FAM13A: variants seen among roughly 807,000 people sequenced by gnomAD.
FAM13A encodes protein FAM13A.
In FAM13A, 76 loss-of-function variants were observed where a neutral mutation model predicts 129.6. That is an observed-to-expected ratio of 0.59 (90% CI 0.49 to 0.71). The LOEUF is 0.71. Ranked by LOEUF, FAM13A falls within the 30% of genes least tolerant of loss-of-function variation. The pLI is 0.00. For missense variants in FAM13A, 1,108 were observed against 1,249.3 expected, an observed-to-expected ratio of 0.89 and a Z score of 1.70; for synonymous variants, 443 against 449.9, an observed-to-expected ratio of 0.98 and a Z score of 0.20.
intron 11 of FAM13A, among the ~76,000 whole-genome samples, chr4:88,776,010 T>C (rs1721634304): frequency 6.6e-6 from 1 of 152,224 alleles, no homozygotes; most frequent in Admixed American, 6.5e-5. Context: ...TCTCCTTTCT[T>C]GAACCTTGAC....
chr4:88,732,257 T>C, intron 21 of FAM13A, 59 bp from the exon 22 acceptor site: 3 of 1,220,416 alleles, frequency 2.5e-6, no homozygotes, highest in Non-Finnish European at 3.5e-6. Context: ...AGACTTTCAT[T>C]ACAAGTATCA....
chr4:88,931,122 C>A (rs1191120967), intron 5 of FAM13A, among the ~76,000 whole-genome samples: 1 of 152,068 alleles, frequency 6.6e-6, no homozygotes, highest in Non-Finnish European at 1.5e-5. Flanking sequence ...AACAGCAGCT[C>A]ACAGCAGGGT....
chr4:88,799,521 T>G (rs1162439484), intron 8 of FAM13A, among the ~76,000 whole-genome samples: 1 of 151,984 alleles, frequency 6.6e-6, no homozygotes, highest in Non-Finnish European at 1.5e-5. Context: ...AGTCTTGCTC[T>G]GTTGCCAGGC....
chr4:88,858,964 A>G (rs1200495097), intron 6 of FAM13A, among the ~76,000 whole-genome samples: 1 of 152,216 alleles, frequency 6.6e-6, no homozygotes, highest in African/African-American at 2.4e-5. Flanking sequence ...GAATAATGAA[A>G]TCTGAGAACT....
chr4:88,895,169 T>G (rs1296528166), intron 6 of FAM13A, among the ~76,000 whole-genome samples: 1 of 152,164 alleles, frequency 6.6e-6, no homozygotes, highest in Non-Finnish European at 1.5e-5. Context: ...CACTATTATT[T>G]CTATTACTAC....
At chr4:88,754,070 CATAAA>C (rs1743163264) in intron 14 of FAM13A, among the ~76,000 whole-genome samples, 1 of 152,220 alleles carries the variant, frequency 6.6e-6, no homozygotes, top group Non-Finnish European at 1.5e-5. Flanking sequence ...TAAACCACCA[CATAAA>C]ATAAATGCAT....
chr4:88,882,722 C>A (rs1482994716), intron 6 of FAM13A, among the ~76,000 whole-genome samples: 1 of 151,994 alleles, frequency 6.6e-6, no homozygotes, highest in East Asian at 1.9e-4. Context: ...CACACAATGG[C>A]AGAATGGATA....
intron 4 of FAM13A, among the ~76,000 whole-genome samples, chr4:88,964,589 T>C (rs1250325574): frequency 1.3e-5 from 2 of 151,312 alleles, no homozygotes; most frequent in Non-Finnish European, 2.9e-5. Flanking sequence ...TAATGAATCA[T>C]AAACTAACAT....
intron 5 of FAM13A, chr4:88,936,860 T>G (rs921399368): frequency 6.6e-6 from 1 of 152,196 alleles, no homozygotes; most frequent in South Asian, 2.1e-4. Flanking sequence ...ATGGGGTATA[T>G]GTGATTGAGA....
Position 88,874,710 on chromosome 4 carries a change from A to G in FAM13A, c.844-23527T>C, listed in dbSNP as rs186695108. ...GAATCAATATTGTGAAAATGGCCAT[A>G]CCGCCCAAGGTAATTTATAGATTCA... On this transcript the variant is annotated intron_variant, in intron 6 of 23. Coordinates refer to ENST00000264344, the MANE Select transcript of FAM13A (RefSeq NM_014883.4). 4.0e-3 allele frequency among the ~76,000 whole-genome samples: 610 copies of G among 152,310 alleles called. 1 individual carries two copies. Among genetic ancestry groups the G allele is most frequent in the Middle Eastern group, 0.017 (5 of 294 alleles).
chr4:88,860,164 A>C (rs2150028320), intron 6 of FAM13A, among the ~76,000 whole-genome samples: 1 of 152,226 alleles, frequency 6.6e-6, no homozygotes, highest in East Asian at 1.9e-4. Flanking sequence ...CTGAGTACTT[A>C]TTAAATAAGT....
intron 4 of FAM13A, among the ~76,000 whole-genome samples, chr4:88,987,838 C>CAAAA (rs1158179811): frequency 0.013 from 952 of 71,170 alleles, 53 homozygotes; most frequent in Non-Finnish European, 0.019. Flanking sequence ...AGACTCCTCT[C>CAAAA]AAAAAAAAAA....
chr4:88,991,093 T>A lies in FAM13A; in HGVS notation c.485A>T (p.Asp162Val). The A allele has an allele frequency of 6.2e-7, 1 of 1,613,862 alleles. No homozygotes were observed. The highest frequency in any genetic ancestry group is 1.3e-5 in the African/African-American group (1 of 75,026). ...GTACTTGAGGAGGCAGTAGTGGGTG[T>A]CTGGCAGCTCTTTTATTAAGTCTCT... ...SLRDLIKELP[D>V]THYCLLKYLC... Residue 162 changes from aspartate (D) to valine (V), a missense_variant, in exon 4 of 24, where the codon GAC becomes GTC. Transcript: ENST00000264344.
chr4:88,841,035 A>G lies in FAM13A; in HGVS notation c.1007+9985T>C, dbSNP rs147280859. Reference sequence around the variant, plus strand: ...GATCAAAGACCTAAATGGATCAAAGACCTAAATAAAACTATAAAACTCTTA... The same window carrying G: ...GATCAAAGACCTAAATGGATCAAAGGCCTAAATAAAACTATAAAACTCTTA... On this transcript the variant is annotated intron_variant, in intron 7 of 23. Coordinates refer to ENST00000264344, the MANE Select transcript of FAM13A (RefSeq NM_014883.4). Among the ~76,000 whole-genome samples, 234 of 151,676 alleles carry G rather than the reference A, an allele frequency of 1.5e-3. 2 individuals carry two copies. The highest frequency in any genetic ancestry group is 5.2e-3 in the African/African-American group (212 of 41,050).
At chr4:88,899,675 G>A (rs906097542) in intron 6 of FAM13A, among the ~76,000 whole-genome samples, 2 of 151,942 alleles carry the variant, frequency 1.3e-5, no homozygotes, top group East Asian at 1.9e-4. Flanking sequence ...GAAACATTCT[G>A]GATTAAAGAA....
rs140293848 is a variant in FAM13A, at chr4:89,010,305, G to A, written c.427+10155C>T. 5.2e-3 allele frequency among the ~76,000 whole-genome samples: 793 copies of A among 152,240 alleles called. 7 individuals carry two copies. The highest frequency in any genetic ancestry group is 0.019 in the African/African-American group (771 of 41,528). ...TCCCGAGTGGTTATCCCCAGGCTTT[G>A]TACCGAATAAACTCTAAACTTAATC... On this transcript the variant is annotated intron_variant, in intron 3 of 23. Transcript: ENST00000264344.
Position 88,964,991 on chromosome 4 carries a change from C to T in FAM13A, c.605+25982G>A, listed in dbSNP as rs377023316. ...AAATCTAAAAAGATATATTTGTGTG[C>T]TGGTATTAGTTTTCTTAAGGCCTCT... On this transcript the variant is annotated intron_variant, in intron 4 of 23. Transcript: ENST00000264344. 2.6e-5 allele frequency among the ~76,000 whole-genome samples: 4 copies of T among 152,224 alleles called. No homozygotes were observed. The East Asian group carries it at 5.8e-4, about 22-fold the overall frequency.
At chr4:88,871,439 A>G (rs1254596187) in intron 6 of FAM13A, among the ~76,000 whole-genome samples, 2 of 152,220 alleles carry the variant, frequency 1.3e-5, no homozygotes, top group Non-Finnish European at 2.9e-5. Context: ...CACAGTGTAG[A>G]GAAGACCTTA....
chr4:88,909,953 C>T (rs1748806090), intron 5 of FAM13A, among the ~76,000 whole-genome samples: 1 of 152,168 alleles, frequency 6.6e-6, no homozygotes, highest in African/African-American at 2.4e-5. Flanking sequence ...AGAACGTTCC[C>T]ACATTCTCAA....
Sources: gnomAD v4.1 joint callset for allele counts (sites outside exome capture counted in the v4.1 genomes callset) on GRCh38, gnomAD v4.1.1 for gene constraint, MANE v1.5 for transcripts, NCBI Gene and HGNC (gene_info 2026-07-23, HGNC 2026-07-21) for gene names.